MAST2: variants seen among roughly 807,000 people sequenced by gnomAD.
The protein encoded by MAST2 is microtubule-associated serine/threonine-protein kinase 2.
In MAST2, 70 loss-of-function variants were observed where a neutral mutation model predicts 147.4. That is an observed-to-expected ratio of 0.47 (90% CI 0.39 to 0.58). The LOEUF (loss-of-function observed/expected upper bound fraction) is 0.58, where lower values mean the gene tolerates loss of function less well. MAST2 is among the 20% of genes least tolerant of loss of function. MAST2 has a pLI of 0.00. For missense variants in MAST2, 2,080 were observed against 2,302.3 expected (o/e 0.90, Z 1.98); for synonymous variants, 869 against 896.8 (o/e 0.97, Z 0.55).
intron 4 of MAST2, among the ~76,000 whole-genome samples, chr1:45,920,397 C>G (rs1188104315): frequency 6.6e-6 from 1 of 152,140 alleles, no homozygotes; most frequent in Non-Finnish European, 1.5e-5. Flanking sequence ...TTTGAGTACC[C>G]CCTTTTGCTG....
At chr1:45,873,726 C>A (rs1646490282) in intron 3 of MAST2, among the ~76,000 whole-genome samples, 1 of 152,114 alleles carries the variant, frequency 6.6e-6, no homozygotes, top group Non-Finnish European at 1.5e-5. Flanking sequence ...TTTCTTTATA[C>A]CATGTAGAAA....
chr1:45,833,707 C>A (rs953095469), intron 3 of MAST2, among the ~76,000 whole-genome samples: 6 of 151,980 alleles, frequency 3.9e-5, no homozygotes, highest in African/African-American at 1.4e-4. Context: ...ATGTGCTTAC[C>A]GGACATTTGT....
At chr1:46,005,754 C>T (rs1021067716) in intron 7 of MAST2, among the ~76,000 whole-genome samples, 1 of 152,090 alleles carries the variant, frequency 6.6e-6, no homozygotes, top group Non-Finnish European at 1.5e-5. Flanking sequence ...ACCCCTGGCA[C>T]AATACATTGG....
rs756217180 is a variant in MAST2 at position 46,023,789 on chromosome 1, G to C, written c.1589G>C (p.Arg530Pro). 1 of 1,613,960 alleles carries C rather than the reference G, an allele frequency of 6.2e-7. No individual in the cohort carries two copies. Among genetic ancestry groups the C allele is most frequent in the South Asian group, 1.1e-5 (1 of 91,056 alleles). Reference sequence around the variant, plus strand: ...TTTCCCAGGGCTGTATTTCTGGTGCGGCACAAGTCCACCCGGCAGCGCTTT... The same window carrying C: ...TTTCCCAGGGCTGTATTTCTGGTGCCGCACAAGTCCACCCGGCAGCGCTTT... ...NGAYGAVFLV[R>P]HKSTRQRFAM... The change falls in exon 15 of 29, where the codon CGG becomes CCG. Residue 530 changes from arginine to proline, a missense_variant. Arg to Pro is a moderately radical substitution (Grantham distance 103, BLOSUM62 -2). This residue lies in a region of MAST2 where 569 missense variants were observed against 642.5 expected (regional missense o/e 0.89). Transcript: ENST00000361297. This position sits in a 1 kb window ranked among gnomAD's most constrained non-coding sequence, Gnocchi z 4.9.
chr1:45,937,191 C>T (rs1181194058), intron 4 of MAST2, among the ~76,000 whole-genome samples: 1 of 152,002 alleles, frequency 6.6e-6, no homozygotes, highest in African/African-American at 2.4e-5. Context: ...CCACTTCAGC[C>T]TCCTGAGTAG....
In MAST2 at chr1:46,031,184, A is replaced by G. The variant is rs1241141215; in HGVS notation, c.2886A>G (p.Thr962=). 9 of 1,582,060 alleles carry G rather than the reference A, an allele frequency of 5.7e-6. No individual in the cohort carries two copies. The African/African-American group carries it at 9.5e-5, about 17-fold the overall frequency. ...CACAGGAGGGTATATGGGTCCTGAC[A>G]CCCCCATCTGGAGAGGGGGTATCTG... ...RQPQEGIWVL[T]PPSGEGVSGP... Residue 962 remains threonine, a synonymous_variant, in exon 23 of 29, where the codon ACA becomes ACG. Coordinates refer to ENST00000361297, the MANE Select transcript of MAST2 (RefSeq NM_015112.3). The surrounding 1 kb of genome is among the most constrained non-coding windows in gnomAD (Gnocchi z 4.1).
chr1:45,958,961 AAAT>A (rs1660028038), intron 4 of MAST2, among the ~76,000 whole-genome samples: 4 of 152,334 alleles, frequency 2.6e-5, no homozygotes, highest in South Asian at 2.1e-4. Flanking sequence ...AACGTTCTAA[AAAT>A]AATAATTTCA....
chr1:45,914,109 C>G (rs1346561033), intron 4 of MAST2, among the ~76,000 whole-genome samples: 1 of 152,162 alleles, frequency 6.6e-6, no homozygotes, highest in African/African-American at 2.4e-5. Flanking sequence ...TTCCTGAATA[C>G]TTGGAGAACT....
chr1:45,989,719 T>C (rs1469245125), intron 5 of MAST2, among the ~76,000 whole-genome samples: 1 of 146,122 alleles, frequency 6.8e-6, no homozygotes, highest in Non-Finnish European at 1.5e-5. Context: ...CCTAAAATAG[T>C]GCACAGTACT....
At chr1:45,919,920 T>G (rs559436523) in intron 4 of MAST2, among the ~76,000 whole-genome samples, 4 of 152,318 alleles carry the variant, frequency 2.6e-5, no homozygotes, top group East Asian at 1.9e-4. Flanking sequence ...TATTTTAGCT[T>G]GTTGTTTGCT....
Position 46,010,722 on chromosome 1 carries a change from C to T in MAST2, c.979-8C>T, listed in dbSNP as rs769305127. On this transcript the variant is annotated splice_polypyrimidine_tract_variant and splice_region_variant and intron_variant, in intron 9 of 28. Transcript: ENST00000361297. Reference sequence around the variant, plus strand: ...AGGGAAGTGTTTCTTTCTTGCTTTTCTTCCCAGGCCACCGCACAAATGGAA... The same window carrying T: ...AGGGAAGTGTTTCTTTCTTGCTTTTTTTCCCAGGCCACCGCACAAATGGAA... 1.2e-6 allele frequency: 2 copies of T among 1,612,268 alleles called. No homozygotes were observed. The highest frequency in any genetic ancestry group is 1.7e-5 in the Admixed American group (1 of 59,980).
chr1:45,859,139 C>A (rs1645893680), intron 3 of MAST2, among the ~76,000 whole-genome samples: 1 of 152,032 alleles, frequency 6.6e-6, no homozygotes, highest in Non-Finnish European at 1.5e-5. Flanking sequence ...TTTTCCAATT[C>A]TGTGAAGAAA....
In MAST2 at chr1:46,031,511, A is replaced by C; in HGVS notation, c.3113A>C (p.Lys1038Thr). The stretch of plus-strand genomic sequence containing the variant: ...CTGCTCTCTGGGGACTCAACAGAGA[A>C]GCGCACTGCTCGCCCTGTCAACAAA... Reference protein sequence around the residue: ...HRLLSGDSTEKRTARPVNKVI... With the variant: ...HRLLSGDSTETRTARPVNKVI... The change falls in exon 24 of 29, where the codon AAG becomes ACG. Residue 1038 changes from lysine to threonine, a missense_variant. Physicochemically the swap from Lys to Thr is moderately conservative, Grantham distance 78. Coordinates refer to ENST00000361297, the MANE Select transcript of MAST2 (RefSeq NM_015112.3). This position sits in a 1 kb window ranked among gnomAD's most constrained non-coding sequence, Gnocchi z 4.1. 2.5e-6 allele frequency: 4 copies of C among 1,614,168 alleles called. No homozygotes were observed. The highest frequency in any genetic ancestry group is 3.4e-6 in the Non-Finnish European group (4 of 1,180,014).
intron 5 of MAST2, among the ~76,000 whole-genome samples, chr1:45,996,031 C>G (rs561963647): frequency 4.0e-5 from 6 of 151,562 alleles, no homozygotes; most frequent in Admixed American, 2.6e-4. Context: ...CTCCCCTCCC[C>G]CTGCTTGAAG....
chr1:45,841,058 C>T (rs1337340610), intron 3 of MAST2, among the ~76,000 whole-genome samples: 1 of 152,090 alleles, frequency 6.6e-6, no homozygotes, highest in African/African-American at 2.4e-5. Context: ...GATGCTTCTG[C>T]CTCAGGCTGC....
intron 4 of MAST2, among the ~76,000 whole-genome samples, chr1:45,929,775 T>C (rs1654981900): frequency 6.6e-6 from 1 of 152,206 alleles, no homozygotes; most frequent in Non-Finnish European, 1.5e-5. Flanking sequence ...TTTGTTAATA[T>C]ATACATATGT....
intron 18 of MAST2, 47 bp downstream of exon 18, chr1:46,028,980 A>G: frequency 1.3e-6 from 2 of 1,521,434 alleles, no homozygotes; most frequent in Non-Finnish European, 8.8e-7. Context: ...GTCTGAATCC[A>G]CAAATATGAT....
At chr1:45,988,655 T>C (rs963271616) in intron 5 of MAST2, among the ~76,000 whole-genome samples, 10 of 152,232 alleles carry the variant, frequency 6.6e-5, no homozygotes, top group Admixed American at 6.5e-4. Flanking sequence ...TTCCCATTTA[T>C]TTATTCAATC....
intron 1 of MAST2, among the ~76,000 whole-genome samples, chr1:45,817,960 T>A (rs1316023190): frequency 6.6e-6 from 1 of 152,250 alleles, no homozygotes; most frequent in Non-Finnish European, 1.5e-5. Flanking sequence ...TTTGACGAAC[T>A]CTTGGAAAGA....
Sources: allele counts gnomAD v4.1 joint callset (sites outside exome capture counted in the v4.1 genomes callset), GRCh38; gene constraint gnomAD v4.1.1; regional missense constraint gnomAD v4.1.1; non-coding constraint Gnocchi (gnomAD v3.1); transcripts MANE v1.5; gene names NCBI Gene and HGNC (gene_info 2026-07-23, HGNC 2026-07-21).